Variants in LRP1B observed in about 807,000 individuals in gnomAD.
LRP1B encodes low-density lipoprotein receptor-related protein 1B.
Under a neutral mutation model 556.6 loss-of-function variants are expected in LRP1B, and 217 were observed. That is an observed-to-expected ratio of 0.39 (90% CI 0.35 to 0.44). The LOEUF (loss-of-function observed/expected upper bound fraction) is 0.44. Among genes scored for constraint, LRP1B ranks in the 20% least tolerant of loss-of-function variants. The pLI is 1.00. For synonymous variants in LRP1B, 2,047 were observed against 1,865.8 expected, an observed-to-expected ratio of 1.10 and a Z score of -2.50; for missense variants, 5,053 against 5,620.8, an observed-to-expected ratio of 0.90 and a Z score of 3.23.
At chr2:140,478,813 T>C (rs1378418024) in intron 59 of LRP1B, among the ~76,000 whole-genome samples, 1 of 152,044 alleles carries the variant, frequency 6.6e-6, no homozygotes, top group Non-Finnish European at 1.5e-5. Flanking sequence ...TGAGAGAATA[T>C]ATGAAACAAA....
At chr2:141,669,901 C>T (rs1016792005) in intron 2 of LRP1B, among the ~76,000 whole-genome samples, 7 of 151,952 alleles carry the variant, frequency 4.6e-5, no homozygotes, top group South Asian at 2.1e-4. Context: ...ATTACAGGCA[C>T]GTGCCACCAT....
At chr2:140,670,605 TC>T (rs1235040035) in intron 41 of LRP1B, among the ~76,000 whole-genome samples, 13 of 152,286 alleles carry the variant, frequency 8.5e-5, no homozygotes, top group South Asian at 2.1e-4. Flanking sequence ...GGATATTTAT[TC>T]CCTGAAGGGT....
intron 1 of LRP1B, among the ~76,000 whole-genome samples, chr2:142,087,491 A>G (rs1333306896): frequency 1.3e-5 from 2 of 151,756 alleles, no homozygotes; most frequent in Non-Finnish European, 2.9e-5. Flanking sequence ...AACAAAACTC[A>G]GAGGGAGTTT....
intron 41 of LRP1B, among the ~76,000 whole-genome samples, chr2:140,654,086 T>G (rs1275226475): frequency 2.1e-5 from 3 of 145,846 alleles, no homozygotes; most frequent in African/African-American, 7.7e-5. Flanking sequence ...GGAATAGTAA[T>G]GTGGACAGGG....
chr2:141,145,045 T>G (rs774990814), intron 7 of LRP1B, among the ~76,000 whole-genome samples: 31 of 152,226 alleles, frequency 2.0e-4, no homozygotes, highest in Admixed American at 1.1e-3. Context: ...ACCCAAGCTC[T>G]TTTCTAACTT....
chr2:140,524,136 AC>A (rs1553480243), intron 49 of LRP1B, among the ~76,000 whole-genome samples: 16 of 151,596 alleles, frequency 1.1e-4, no homozygotes, highest in Middle Eastern at 3.4e-3. Flanking sequence ...AATAAAAAAA[AC>A]AAATAACCCC....
chr2:141,192,955 T>G (rs1681584544), intron 6 of LRP1B, among the ~76,000 whole-genome samples: 1 of 152,030 alleles, frequency 6.6e-6, no homozygotes, highest in African/African-American at 2.4e-5. Context: ...AAAAAATGAA[T>G]AGTTGTAGTG....
intron 32 of LRP1B, among the ~76,000 whole-genome samples, chr2:140,786,159 TGC>T (rs1689892163): frequency 6.6e-6 from 1 of 152,210 alleles, no homozygotes; most frequent in Non-Finnish European, 1.5e-5. Flanking sequence ...ATTAGATGCC[TGC>T]TTAATTTTCC....
chr2:141,050,063 T>C (rs1367596043), intron 10 of LRP1B, among the ~76,000 whole-genome samples: 1 of 151,934 alleles, frequency 6.6e-6, no homozygotes, highest in Non-Finnish European at 1.5e-5. Context: ...AAGGAAATAG[T>C]TTTTATATAC....
chr2:141,317,594 C>CCTAT (rs1687082527), intron 3 of LRP1B, among the ~76,000 whole-genome samples: 1 of 152,076 alleles, frequency 6.6e-6, no homozygotes, highest in Non-Finnish European at 1.5e-5. Context: ...TTAGTGTATA[C>CCTAT]CTATCTCCTT....
At chr2:141,653,083 A>ACAT (rs1406853970) in intron 2 of LRP1B, among the ~76,000 whole-genome samples, 2 of 152,190 alleles carry the variant, frequency 1.3e-5, no homozygotes, top group African/African-American at 4.8e-5. Flanking sequence ...TGATCTCTCA[A>ACAT]CATCCGTGCC....
At chr2:141,606,347 G>A (rs758623075) in intron 2 of LRP1B, among the ~76,000 whole-genome samples, 27 of 152,110 alleles carry the variant, frequency 1.8e-4, no homozygotes, top group Non-Finnish European at 3.5e-4. Context: ...ATTAGTGTTT[G>A]CAAAGCTTTG....
rs375087541 is a variant in LRP1B at position 140,335,731 on chromosome 2, G to C, written c.12000C>G (p.His4000Gln). The change falls in exon 78 of 91, where the codon CAC becomes CAG. Residue 4000 changes from histidine to glutamine, a missense_variant. Physicochemically the swap from His to Gln is conservative, Grantham distance 24. Transcript: ENST00000389484. ...TGATAGAGTACCTCAGACTGGTCCAGTGAGTAGTGTAGTAACTGAACCAAT... is the reference window on the plus strand; with the variant it reads ...TGATAGAGTACCTCAGACTGGTCCACTGAGTAGTGTAGTAACTGAACCAAT... ...RMHWFSYYTTHWTSLRYSINV... is the reference protein window; with the variant it reads ...RMHWFSYYTTQWTSLRYSINV... 83 of 1,612,468 alleles carry C rather than the reference G, an allele frequency of 5.1e-5. No homozygotes were observed. In the African/African-American group the frequency reaches 1.0e-3, roughly 20 times the overall value.
At chr2:141,980,372 TTTAAG>T (rs1702010479) in intron 1 of LRP1B, among the ~76,000 whole-genome samples, 1 of 152,054 alleles carries the variant, frequency 6.6e-6, no homozygotes, top group South Asian at 2.1e-4. Flanking sequence ...ATTACGTGGG[TTTAAG>T]TTATTATTGT....
chr2:141,726,616 A>G (rs1693047323), intron 2 of LRP1B, among the ~76,000 whole-genome samples: 1 of 152,214 alleles, frequency 6.6e-6, no homozygotes, highest in Non-Finnish European at 1.5e-5. Flanking sequence ...GTATATTAAT[A>G]TAAGTTAGAC....
rs1704686821 is a variant in LRP1B, at chr2:142,056,736, GATT to G, written c.82+73909_82+73911del. 5.2e-5 allele frequency among the ~76,000 whole-genome samples: 5 copies of G among 96,888 alleles called. No homozygotes were observed. The Admixed American group carries it at 5.9e-4, about 11-fold the overall frequency. The allele number at this position is 96,888 out of a possible 152,430, so 63.6% of individuals were successfully genotyped here. ...CCCATTCAGTGGGCAAAATGCATGA[GATT>G]ATTATAATCAGCTGTTGTTTAATTT... On this transcript the variant is annotated intron_variant, in intron 1 of 90. Coordinates refer to ENST00000389484, the MANE Select transcript of LRP1B (RefSeq NM_018557.3).
At chr2:140,931,910 C>T (rs1695061711) in intron 20 of LRP1B, among the ~76,000 whole-genome samples, 1 of 152,052 alleles carries the variant, frequency 6.6e-6, no homozygotes, top group Admixed American at 6.6e-5. Flanking sequence ...AACCAATCAA[C>T]TTAACAGATA....
At chr2:141,958,136 T>C (rs1023841746) in intron 1 of LRP1B, among the ~76,000 whole-genome samples, 5 of 152,064 alleles carry the variant, frequency 3.3e-5, no homozygotes, top group Admixed American at 6.6e-5. Flanking sequence ...TTGAGCTAAG[T>C]AGCTTTTTAA....
intron 2 of LRP1B, among the ~76,000 whole-genome samples, chr2:141,731,023 G>T (rs874295): frequency 3.6e-4 from 55 of 152,090 alleles, no homozygotes; most frequent in African/African-American, 1.3e-3. Context: ...GACTCCCAAC[G>T]GGGGGTGTGG....
Sources: allele counts gnomAD v4.1 joint callset (sites outside exome capture counted in the v4.1 genomes callset), GRCh38; gene constraint gnomAD v4.1.1; transcripts MANE v1.5; gene names NCBI Gene and HGNC (gene_info 2026-07-23, HGNC 2026-07-21).